The following SPSB4 variants were observed in gnomAD, a reference collection of about 807,000 sequenced individuals.
SPSB4 encodes splA/ryanodine receptor domain and SOCS box containing 4.
SPSB4 carries 21 observed loss-of-function variants against 20.9 expected under a neutral mutation model. The observed-to-expected ratio is 1.01, with a 90% CI of 0.71 to 1.45. SPSB4 has a LOEUF of 1.45. Ranked by LOEUF, SPSB4 falls within the 40% of genes most tolerant of loss-of-function variation. The pLI is 0.00. For synonymous variants in SPSB4, 207 were observed against 183.8 expected (o/e 1.13, Z -1.02); for missense variants, 399 against 399.2 (o/e 1.00, Z 0.00).
chr3:141,106,100 G>A (rs1301964891), intron 2 of SPSB4, among the ~76,000 whole-genome samples: 1 of 152,192 alleles, frequency 6.6e-6, no homozygotes, highest in Non-Finnish European at 1.5e-5. Flanking sequence ...ACTGGCCGTG[G>A]TGGCACTGAG....
intron 2 of SPSB4, among the ~76,000 whole-genome samples, chr3:141,102,525 G>A (rs150805377): frequency 8.7e-4 from 133 of 152,196 alleles, no homozygotes; most frequent in Middle Eastern, 3.4e-3. Flanking sequence ...CCTGTTTGGG[G>A]GTGAGGGATG....
intron 2 of SPSB4, among the ~76,000 whole-genome samples, chr3:141,081,634 G>T (rs938706497): frequency 2.0e-5 from 3 of 151,996 alleles, no homozygotes; most frequent in Non-Finnish European, 4.4e-5. Flanking sequence ...GACAGCAGGG[G>T]CCAGGAGCTC....
At chr3:141,057,501 G>A (rs545585440) in intron 1 of SPSB4, among the ~76,000 whole-genome samples, 36 of 152,222 alleles carry the variant, frequency 2.4e-4, no homozygotes, top group South Asian at 1.7e-3. Flanking sequence ...TCATTTGTTC[G>A]TGCTCGTGCA....
Position 141,147,321 on chromosome 3 carries a change from C to G in SPSB4, c.*52C>G, listed in dbSNP as rs1220232490. 5 of 1,607,140 alleles carry G rather than the reference C, an allele frequency of 3.1e-6. No individual in the cohort carries two copies. In the African/African-American group the frequency reaches 5.3e-5, roughly 17 times the overall value. ...CAGACACACACCGCAGGGCCCGACCCTCCTGTCATTCACAGTCCCATGGCA... is the reference window on the plus strand; with the variant it reads ...CAGACACACACCGCAGGGCCCGACCGTCCTGTCATTCACAGTCCCATGGCA... On this transcript the variant is annotated 3_prime_UTR_variant, in exon 3 of 3. Coordinates refer to ENST00000310546, the MANE Select transcript of SPSB4 (RefSeq NM_080862.3).
At chr3:141,093,506 A>G (rs1190270530) in intron 2 of SPSB4, among the ~76,000 whole-genome samples, 1 of 151,986 alleles carries the variant, frequency 6.6e-6, no homozygotes, top group Non-Finnish European at 1.5e-5. Flanking sequence ...CCGAGGTGTA[A>G]TGCATCACAG....
chr3:141,079,012 A>C (rs1938170302), intron 2 of SPSB4, among the ~76,000 whole-genome samples: 1 of 152,204 alleles, frequency 6.6e-6, no homozygotes, highest in Admixed American at 6.5e-5. Context: ...CTGTAATCCC[A>C]GCACTTTGGG....
chr3:141,074,271 G>A (rs1024595510), intron 2 of SPSB4, among the ~76,000 whole-genome samples: 10 of 152,100 alleles, frequency 6.6e-5, no homozygotes, highest in Non-Finnish European at 1.3e-4. Context: ...ACTTTGCTAC[G>A]AGGTGTCAGG....
chr3:141,127,206 G>A (rs928653568), intron 2 of SPSB4, among the ~76,000 whole-genome samples: 16 of 152,364 alleles, frequency 1.1e-4, no homozygotes, highest in African/African-American at 3.8e-4. Context: ...CAAGCCAGCA[G>A]TGGACAGGCA....
At chr3:141,067,824 T>C (rs1254899861) in intron 2 of SPSB4, among the ~76,000 whole-genome samples, 2 of 152,200 alleles carry the variant, frequency 1.3e-5, no homozygotes, top group Non-Finnish European at 2.9e-5. Flanking sequence ...CACACCCCAA[T>C]GAAGCTCTCA....
At chr3:141,102,039 T>C (rs892747192) in intron 2 of SPSB4, among the ~76,000 whole-genome samples, 1 of 152,204 alleles carries the variant, frequency 6.6e-6, no homozygotes, top group Non-Finnish European at 1.5e-5. Flanking sequence ...TCACCAAAAG[T>C]TCTAATAGTT....
At chr3:141,146,867 C>T (rs1576546805) in intron 2 of SPSB4, among the ~76,000 whole-genome samples, 1 of 152,074 alleles carries the variant, frequency 6.6e-6, no homozygotes, top group Admixed American at 6.5e-5. Context: ...GGGTATTGCT[C>T]CCATTTTCTC....
At position 141,095,060 on chromosome 3, in the gene SPSB4, TCTG is replaced by T. The variant is rs1938523040; in HGVS notation, c.694+28267_694+28269del. Among the ~76,000 whole-genome samples the T allele has an allele frequency of 2.0e-5, 3 of 152,084 alleles. No homozygotes were observed. The South Asian group carries it at 6.2e-4, about 32-fold the overall frequency. On this transcript the variant is annotated intron_variant, in intron 2 of 2. Coordinates refer to ENST00000310546, the MANE Select transcript of SPSB4 (RefSeq NM_080862.3). ...AAGGCTCCACTGGCTGGCGGTGTAT[TCTG>T]CTGCCAAACGGGGCGTGTCTCGTCG...
intron 2 of SPSB4, among the ~76,000 whole-genome samples, chr3:141,113,188 G>T (rs1298477688): frequency 6.6e-6 from 1 of 152,192 alleles, no homozygotes; most frequent in Admixed American, 6.5e-5. Flanking sequence ...TTCCTGGTGA[G>T]AATGTAAAAC....
At chr3:141,080,107 AT>A (rs1938200079) in intron 2 of SPSB4, among the ~76,000 whole-genome samples, 1 of 152,200 alleles carries the variant, frequency 6.6e-6, no homozygotes, top group African/African-American at 2.4e-5. Context: ...CTGCTAAAAA[AT>A]GGCATGTTGT....
In SPSB4 at chr3:141,066,124, G is replaced by T; in HGVS notation, c.20G>T (p.Gly7Val). The T allele has an allele frequency of 6.5e-7, 1 of 1,530,174 alleles. No homozygotes were observed. The highest frequency in any genetic ancestry group is 8.8e-7 in the Non-Finnish European group (1 of 1,141,700). 94.8% of individuals were successfully genotyped at this position (1,530,174 alleles called of 1,614,324 possible). MGQKLS[G>V]SLKSVEVREP... ...TGAAGCATGGGCCAGAAGCTCTCGG[G>T]GAGCCTCAAGTCAGTGGAGGTGCGA... Residue 7 changes from glycine to valine, a missense_variant, in exon 2 of 3, where the codon GGG (glycine) becomes GTG (valine). Gly to Val is a moderately radical substitution (Grantham distance 109). Transcript: ENST00000310546.
At chr3:141,062,930 A>G (rs142675175) in intron 1 of SPSB4, among the ~76,000 whole-genome samples, 1 of 150,856 alleles carries the variant, frequency 6.6e-6, no homozygotes, top group African/African-American at 2.5e-5. Flanking sequence ...CTATGTCTTT[A>G]CTTAATTTTG....
chr3:141,071,912 T>C (rs1938013910), intron 2 of SPSB4, among the ~76,000 whole-genome samples: 1 of 152,252 alleles, frequency 6.6e-6, no homozygotes, highest in Non-Finnish European at 1.5e-5. Context: ...GCTTCTGGTA[T>C]TGATGAAGGC....
At chr3:141,137,686 C>T (rs1939251833) in intron 2 of SPSB4, among the ~76,000 whole-genome samples, 2 of 152,140 alleles carry the variant, frequency 1.3e-5, no homozygotes, top group Non-Finnish European at 2.9e-5. Flanking sequence ...GGATGAAGCC[C>T]ACTTGATCAT....
At chr3:141,070,278 G>T (rs80124874) in intron 2 of SPSB4, among the ~76,000 whole-genome samples, 2,113 of 152,194 alleles carry the variant, frequency 0.014, 47 homozygotes, top group African/African-American at 0.048. Context: ...TGGGTGAGGG[G>T]GGTGGTATTC....
Sources: gnomAD v4.1 joint callset for allele counts (sites outside exome capture counted in the v4.1 genomes callset) on GRCh38, gnomAD v4.1.1 for gene constraint, MANE v1.5 for transcripts, NCBI Gene and HGNC (gene_info 2026-07-23, HGNC 2026-07-21) for gene names.